Variants in KCND3 observed in about 807,000 individuals in gnomAD.
The protein encoded by KCND3 is potassium voltage-gated channel subfamily D member 3, also known as A-type voltage-gated potassium channel KCND3.
In KCND3, 9 loss-of-function variants were observed where a neutral mutation model predicts 51.1. The observed-to-expected ratio is 0.18, with a 90% CI of 0.11 to 0.31. KCND3 has a LOEUF of 0.31. Ranked by LOEUF, KCND3 falls within the 10% of genes least tolerant of loss-of-function variation. The pLI is 1.00. For missense variants in KCND3, 526 were observed against 903.8 expected (o/e 0.58, Z 5.36); for synonymous variants, 349 against 368.0 (o/e 0.95, Z 0.59).
At chr1:111,970,786 C>T (rs1450488803) in intron 2 of KCND3, among the ~76,000 whole-genome samples, 1 of 152,218 alleles carries the variant, frequency 6.6e-6, no homozygotes, top group Non-Finnish European at 1.5e-5. Flanking sequence ...ACATCCACCT[C>T]GAGGGATTTA....
At chr1:111,923,755 C>T (rs924458296) in intron 2 of KCND3, among the ~76,000 whole-genome samples, 6 of 152,240 alleles carry the variant, frequency 3.9e-5, no homozygotes, top group African/African-American at 1.4e-4. Context: ...AGCTCCTCAG[C>T]AGAGGTGCAG....
At chr1:111,860,258 AT>A (rs1024187083) in intron 2 of KCND3, among the ~76,000 whole-genome samples, 41 of 152,346 alleles carry the variant, frequency 2.7e-4, no homozygotes, top group African/African-American at 9.9e-4. Flanking sequence ...TGTTAATCTC[AT>A]TTAGCAGATA....
chr1:111,795,029 A>G (rs1429203320), intron 2 of KCND3, among the ~76,000 whole-genome samples: 1 of 152,210 alleles, frequency 6.6e-6, no homozygotes, highest in Non-Finnish European at 1.5e-5. Context: ...CCTGGTAGAG[A>G]GCAAGGGAGG....
intron 2 of KCND3, among the ~76,000 whole-genome samples, chr1:111,822,750 C>T (rs1666407448): frequency 6.6e-6 from 1 of 152,182 alleles, no homozygotes; most frequent in Non-Finnish European, 1.5e-5. Flanking sequence ...AGTGGAATTG[C>T]TGGATCATAT....
At chr1:111,948,838 G>C (rs1383933424) in intron 2 of KCND3, among the ~76,000 whole-genome samples, 1 of 152,084 alleles carries the variant, frequency 6.6e-6, no homozygotes, top group Non-Finnish European at 1.5e-5. Context: ...GGCGAGAAGG[G>C]AAGGGCTTCT....
At chr1:111,800,478 C>A (rs111760035) in intron 2 of KCND3, among the ~76,000 whole-genome samples, 21,844 of 127,028 alleles carry the variant, frequency 0.17, 2,055 homozygotes, top group Admixed American at 0.21. Context: ...ACCTTCCCTC[C>A]ACTATTGTCC....
intron 2 of KCND3, among the ~76,000 whole-genome samples, chr1:111,941,466 G>A (rs542542148): frequency 2.5e-4 from 38 of 152,282 alleles, no homozygotes; most frequent in Admixed American, 2.0e-3. Flanking sequence ...ATCTACTGGG[G>A]TTTTTATCAC....
chr1:111,893,035 T>A (rs1669918681), intron 2 of KCND3, among the ~76,000 whole-genome samples: 1 of 152,204 alleles, frequency 6.6e-6, no homozygotes, highest in Non-Finnish European at 1.5e-5. Context: ...AAGAGAAGGC[T>A]CTGTGTCAAC....
intron 2 of KCND3, among the ~76,000 whole-genome samples, chr1:111,872,213 G>T (rs1431437218): frequency 6.6e-6 from 1 of 152,180 alleles, no homozygotes; most frequent in African/African-American, 2.4e-5. Context: ...AGAGGATGGG[G>T]CACCAAAGAA....
chr1:111,969,852 C>T (rs915422595), intron 2 of KCND3, among the ~76,000 whole-genome samples: 8 of 152,276 alleles, frequency 5.3e-5, no homozygotes, highest in African/African-American at 1.7e-4. Flanking sequence ...AAACCAACTG[C>T]GGATGACACT....
chr1:111,832,920 AC>A (rs1666905877), intron 2 of KCND3, among the ~76,000 whole-genome samples: 1 of 152,160 alleles, frequency 6.6e-6, no homozygotes, highest in Non-Finnish European at 1.5e-5. Context: ...CCACCAGCAA[AC>A]AGACATCATA....
At chr1:111,875,677 C>A (rs937723799) in intron 2 of KCND3, among the ~76,000 whole-genome samples, 1 of 152,224 alleles carries the variant, frequency 6.6e-6, no homozygotes, top group Non-Finnish European at 1.5e-5. Context: ...CTTGTGTTGC[C>A]TCTCTTAGCT....
chr1:111,897,104 G>T (rs1451455457), intron 2 of KCND3, among the ~76,000 whole-genome samples: 1 of 152,246 alleles, frequency 6.6e-6, no homozygotes, highest in Non-Finnish European at 1.5e-5. Flanking sequence ...CCCACATGGG[G>T]CAAGTTGGGG....
At chr1:111,814,807 C>T (rs692900) in intron 2 of KCND3, among the ~76,000 whole-genome samples, 10,414 of 152,262 alleles carry the variant, frequency 0.068, 609 homozygotes, top group African/African-American at 0.16. Context: ...GATCCCATCC[C>T]GACGGCTATC....
chr1:111,946,411 A>G (rs1004282351), intron 2 of KCND3, among the ~76,000 whole-genome samples: 3 of 152,218 alleles, frequency 2.0e-5, no homozygotes, highest in African/African-American at 4.8e-5. Context: ...GGCTGAGAGC[A>G]TAGTCAGTGC....
chr1:111,833,992 T>C (rs1666965673), intron 2 of KCND3, among the ~76,000 whole-genome samples: 1 of 152,164 alleles, frequency 6.6e-6, no homozygotes, highest in Non-Finnish European at 1.5e-5. Flanking sequence ...GGAAGATCAG[T>C]TATCCAATCA....
At chr1:111,956,620 C>A (rs1337110631) in intron 2 of KCND3, among the ~76,000 whole-genome samples, 2 of 152,164 alleles carry the variant, frequency 1.3e-5, no homozygotes, top group Non-Finnish European at 2.9e-5. Flanking sequence ...AGGGCAGGTG[C>A]AGCTGAACAC....
At chr1:111,868,289 T>C (rs1288444343) in intron 2 of KCND3, among the ~76,000 whole-genome samples, 1 of 152,210 alleles carries the variant, frequency 6.6e-6, no homozygotes, top group Non-Finnish European at 1.5e-5. Context: ...ACATCCGCTG[T>C]CCACGCTACC....
intron 2 of KCND3, among the ~76,000 whole-genome samples, chr1:111,810,944 G>T (rs1048412449): frequency 1.4e-4 from 22 of 152,204 alleles, no homozygotes; most frequent in African/African-American, 5.3e-4. Context: ...TAAAATAATT[G>T]GTCTCAGGAT....
Sources: allele counts gnomAD v4.1 joint callset (sites outside exome capture counted in the v4.1 genomes callset), GRCh38; gene constraint gnomAD v4.1.1; transcripts MANE v1.5; gene names NCBI Gene and HGNC (gene_info 2026-07-23, HGNC 2026-07-21).